Variants in FRMD4A observed in about 807,000 individuals in gnomAD.
FRMD4A encodes FERM domain-containing protein 4A.
FRMD4A carries 29 observed loss-of-function variants against 129.1 expected under a neutral mutation model. That is an observed-to-expected ratio of 0.22 (90% confidence interval 0.17 to 0.31). The LOEUF (loss-of-function observed/expected upper bound fraction) is 0.31. FRMD4A is among the 10% of genes least tolerant of loss of function. FRMD4A has a pLI of 1.00. For missense variants in FRMD4A, 1,272 were observed against 1,375.8 expected (o/e 0.92, Z 1.19); for synonymous variants, 634 against 571.6 (o/e 1.11, Z -1.56).
At chr10:14,155,620 G>C (rs1840557815) in intron 2 of FRMD4A, among the ~76,000 whole-genome samples, 3 of 152,292 alleles carry the variant, frequency 2.0e-5, no homozygotes, top group South Asian at 4.1e-4. Context: ...CATCTCCTCT[G>C]ATCAGGTTAT....
intron 12 of FRMD4A, among the ~76,000 whole-genome samples, chr10:13,722,412 T>TTTA (rs2089504382): frequency 7.3e-6 from 1 of 136,908 alleles, no homozygotes; most frequent in African/African-American, 3.0e-5. Context: ...AAAAAAAAAA[T>TTTA]TTTTTTTTTT....
intron 12 of FRMD4A, among the ~76,000 whole-genome samples, chr10:13,729,728 T>C (rs945149306): frequency 6.6e-5 from 10 of 152,290 alleles, no homozygotes; most frequent in African/African-American, 1.7e-4. Flanking sequence ...GGGGACCCCA[T>C]AGTGCTCCTA....
At chr10:14,166,800 T>C (rs1841203863) in intron 2 of FRMD4A, among the ~76,000 whole-genome samples, 1 of 152,256 alleles carries the variant, frequency 6.6e-6, no homozygotes, top group Non-Finnish European at 1.5e-5. Flanking sequence ...TTCATGGAGA[T>C]AGTTCTACCC....
intron 3 of FRMD4A, among the ~76,000 whole-genome samples, chr10:13,839,174 G>A (rs944354061): frequency 6.6e-6 from 1 of 151,314 alleles, no homozygotes; most frequent in African/African-American, 2.4e-5. Flanking sequence ...TAAAATTTTT[G>A]TTTGTTTGTT....
chr10:13,721,486 A>T (rs1289954182), intron 12 of FRMD4A, among the ~76,000 whole-genome samples: 1 of 152,124 alleles, frequency 6.6e-6, no homozygotes. Context: ...TGCCTCAAAA[A>T]AAAAGAACTC....
chr10:14,168,142 AAC>A (rs1841289067), intron 2 of FRMD4A, among the ~76,000 whole-genome samples: 1 of 152,076 alleles, frequency 6.6e-6, no homozygotes, highest in Admixed American at 6.5e-5. Flanking sequence ...GCTCATGAAA[AAC>A]CTAGAAGTCC....
intron 2 of FRMD4A, among the ~76,000 whole-genome samples, chr10:13,983,638 A>T (rs997036014): frequency 2.0e-5 from 3 of 152,076 alleles, no homozygotes; most frequent in Admixed American, 6.5e-5. Flanking sequence ...AAAAGTGGTG[A>T]TTTAGAATTC....
At position 14,061,136 on chromosome 10, in the gene FRMD4A, A is replaced by G. The variant is rs145340639; in HGVS notation, c.46-202224T>C. Among the ~76,000 whole-genome samples the G allele has an allele frequency of 1.5e-4, 23 of 152,272 alleles. No homozygotes were observed. In the East Asian group the frequency reaches 4.4e-3, roughly 29 times the overall value. The stretch of plus-strand genomic sequence containing the variant: ...CAATATTTAAAAGCACATTCTGGCT[A>G]TAAATATGCAATATTTAAAAGCACA... On this transcript the variant is annotated intron_variant, in intron 2 of 24. Coordinates refer to ENST00000357447, the MANE Select transcript of FRMD4A (RefSeq NM_018027.5).
At chr10:13,716,887 T>G (rs11258548) in intron 12 of FRMD4A, among the ~76,000 whole-genome samples, 1,756 of 152,346 alleles carry the variant, frequency 0.012, 72 homozygotes, top group South Asian at 0.11. Flanking sequence ...CAGAAAGACT[T>G]CACCATAAAG....
At chr10:13,991,835 A>G (rs2095604670) in intron 2 of FRMD4A, 1 of 152,666 alleles carries the variant, frequency 6.6e-6, no homozygotes, top group East Asian at 1.9e-4. Context: ...ACATATTTAC[A>G]TGGAATATGA....
At chr10:13,901,001 G>A (rs973295358) in intron 2 of FRMD4A, among the ~76,000 whole-genome samples, 2 of 152,212 alleles carry the variant, frequency 1.3e-5, no homozygotes, top group African/African-American at 4.8e-5. Context: ...CTCAGTCTTC[G>A]CAACAGCCCT....
At chr10:13,767,127 G>A (rs973114318) in intron 6 of FRMD4A, among the ~76,000 whole-genome samples, 7 of 152,122 alleles carry the variant, frequency 4.6e-5, no homozygotes, top group Non-Finnish European at 8.8e-5. Context: ...CCACACAGGG[G>A]AGTTATTAGA....
intron 2 of FRMD4A, among the ~76,000 whole-genome samples, chr10:14,242,743 G>T (rs1589219864): frequency 6.6e-6 from 1 of 152,220 alleles, no homozygotes; most frequent in Non-Finnish European, 1.5e-5. Flanking sequence ...GACTTTTCAT[G>T]GGGAGGTCAG....
chr10:13,902,098 C>A (rs984113956), intron 2 of FRMD4A, among the ~76,000 whole-genome samples: 31 of 152,190 alleles, frequency 2.0e-4, no homozygotes, highest in African/African-American at 6.5e-4. Context: ...CTCACTGTAA[C>A]CTTGAACCCC....
At chr10:14,078,742 C>T (rs1835755443) in intron 2 of FRMD4A, among the ~76,000 whole-genome samples, 1 of 152,196 alleles carries the variant, frequency 6.6e-6, no homozygotes, top group Non-Finnish European at 1.5e-5. Flanking sequence ...CCAGAAATGG[C>T]AAAGTTCAAA....
chr10:13,984,158 C>T (rs1254824919), intron 2 of FRMD4A, among the ~76,000 whole-genome samples: 1 of 152,092 alleles, frequency 6.6e-6, no homozygotes, highest in Non-Finnish European at 1.5e-5. Context: ...ACGCCAGCTC[C>T]TTCAGCAAAA....
chr10:13,915,866 C>T (rs1323115776), intron 2 of FRMD4A, among the ~76,000 whole-genome samples: 1 of 152,126 alleles, frequency 6.6e-6, no homozygotes, highest in Non-Finnish European at 1.5e-5. Flanking sequence ...GGCGGTTGGC[C>T]TCCTGACCTC....
chr10:14,051,106 G>A (rs531152906), intron 2 of FRMD4A, among the ~76,000 whole-genome samples: 7 of 152,308 alleles, frequency 4.6e-5, no homozygotes, highest in South Asian at 2.1e-4. Context: ...TTGGACACCC[G>A]GCTGGTGTCA....
intron 2 of FRMD4A, among the ~76,000 whole-genome samples, chr10:14,093,921 G>A (rs1256780492): frequency 6.6e-6 from 1 of 152,208 alleles, no homozygotes; most frequent in South Asian, 2.1e-4. Context: ...ATTTATCTGG[G>A]AAAGAAACCA....
Sources: allele counts gnomAD v4.1 joint callset (sites outside exome capture counted in the v4.1 genomes callset), GRCh38; gene constraint gnomAD v4.1.1; transcripts MANE v1.5; gene names NCBI Gene and HGNC (gene_info 2026-07-23, HGNC 2026-07-21).